The following RNF212 variants were observed in gnomAD, a reference collection of about 807,000 sequenced individuals.
The protein encoded by RNF212 is ring finger protein 212.
A neutral mutation model predicts 34.7 loss-of-function variants in RNF212; 33 were observed. The ratio of observed to expected loss-of-function variants is 0.95; its 90% CI spans 0.72 to 1.27. The LOEUF is 1.27. Among genes scored for constraint, RNF212 ranks in the 50% most tolerant of loss-of-function variants. The probability of loss-of-function intolerance (pLI) is 0.00; values close to 1 mark genes in which losing one functional copy is unlikely to be tolerated. For missense variants in RNF212, 377 were observed against 362.2 expected (o/e 1.04, Z -0.33); for synonymous variants, 140 against 136.1 (o/e 1.03, Z -0.20).
rs745356767 is a variant in RNF212, at chr4:1,081,406, GCAACCCACA to G, written c.464+4_464+12del. ...CCTGCAGGTCCTGTGATTTCTGCAAGCAACCCACACACCTGTCGGGGGCTGATGAGTGAG... is the reference window on the plus strand; with the variant it reads ...CCTGCAGGTCCTGTGATTTCTGCAAGCACCTGTCGGGGGCTGATGAGTGAG... On this transcript the variant is annotated splice_donor_5th_base_variant and intron_variant, in intron 7 of 9. Transcript: ENST00000433731. The G allele has an allele frequency of 6.2e-7, 1 of 1,612,516 alleles. No individual in the cohort carries two copies. Among genetic ancestry groups the G allele is most frequent in the African/African-American group, 1.3e-5 (1 of 74,876 alleles).
exon 5 of RNF212, chr4:1,056,485 A>G: frequency 1.0e-6 from 1 of 985,496 alleles, no homozygotes; most frequent in Non-Finnish European, 1.2e-6. Flanking sequence ...TGTCTTTGAA[A>G]TGACTTCAAA....
intron 3 of RNF212, among the ~76,000 whole-genome samples, chr4:1,091,314 C>T (rs1395768273): frequency 6.6e-6 from 1 of 152,212 alleles, no homozygotes; most frequent in Non-Finnish European, 1.5e-5. Context: ...CTCCCATTTA[C>T]AGGAGCCCCG....
Position 1,071,587 on chromosome 4 carries a change from T to C in RNF212, c.*1287A>G, listed in dbSNP as rs530217644. ...ACACAGGACTCTTAAAACTCAACAA[T>C]AAGAAAACAATCCAATTAAAAAATG... On this transcript the variant is annotated 3_prime_UTR_variant, in exon 10 of 10. Coordinates refer to ENST00000433731, the MANE Select transcript of RNF212 (RefSeq NM_001131034.4). 6.6e-6 allele frequency: 1 copy of C among 151,986 alleles called. No homozygotes were observed. The highest frequency in any genetic ancestry group is 2.4e-5 in the African/African-American group (1 of 41,386). The allele number at this position is 151,986 out of a possible 1,614,324, so 9.4% of individuals were successfully genotyped here.
chr4:1,089,791 C>T (rs1013424417), intron 4 of RNF212, among the ~76,000 whole-genome samples: 4 of 152,142 alleles, frequency 2.6e-5, no homozygotes, highest in Admixed American at 2.6e-4. Flanking sequence ...GGCAGTTCCC[C>T]CTGCCCTCTC....
chr4:1,083,065 G>A (rs1720613055), intron 5 of RNF212, among the ~76,000 whole-genome samples: 1 of 152,200 alleles, frequency 6.6e-6, no homozygotes, highest in Admixed American at 6.5e-5. Flanking sequence ...AGAGCACATG[G>A]GAATCCTCTC....
intron 3 of RNF212, among the ~76,000 whole-genome samples, chr4:1,060,760 C>G (rs1250039029): frequency 6.6e-6 from 1 of 152,266 alleles, no homozygotes; most frequent in Non-Finnish European, 1.5e-5. Context: ...GGACCGCGTA[C>G]TGAAGAGTGA....
intron 3 of RNF212, among the ~76,000 whole-genome samples, chr4:1,092,643 T>C (rs1282478485): frequency 2.0e-5 from 3 of 152,226 alleles, no homozygotes; most frequent in Non-Finnish European, 2.9e-5. Context: ...AATATGCCTC[T>C]TGAACTGAGC....
chr4:1,087,529 G>C (rs1215419955), intron 4 of RNF212, among the ~76,000 whole-genome samples: 3 of 142,968 alleles, frequency 2.1e-5, no homozygotes, highest in Admixed American at 1.4e-4. Context: ...GAGGTGGGGG[G>C]GTGACAGGAC....
chr4:1,065,519 G>A (rs1360197165), intron 3 of RNF212, among the ~76,000 whole-genome samples: 3 of 111,682 alleles, frequency 2.7e-5, no homozygotes, highest in East Asian at 4.6e-4. Context: ...CCAGTCTGGG[G>A]TGCAGTGGTA....
At chr4:1,082,712 G>A (rs1720548764) in intron 5 of RNF212, among the ~76,000 whole-genome samples, 1 of 152,206 alleles carries the variant, frequency 6.6e-6, no homozygotes, top group Non-Finnish European at 1.5e-5. Flanking sequence ...GAAGCTCCCA[G>A]AGGACGGGCA....
intron 3 of RNF212, chr4:1,094,129 G>C: frequency 7.8e-7 from 1 of 1,279,292 alleles, no homozygotes; most frequent in Non-Finnish European, 1.0e-6. Flanking sequence ...GTGCCATGCA[G>C]GGGTCCATCC....
chr4:1,081,832 C>G (rs1720403938), intron 5 of RNF212: 2 of 555,898 alleles, frequency 3.6e-6, no homozygotes, highest in Non-Finnish European at 6.5e-6. Context: ...GAACTCAACA[C>G]CCCACTGCCA....
At position 1,094,056 on chromosome 4, in the gene RNF212, AGAG is replaced by A. The variant is rs568095035; in HGVS notation, c.246+2706_246+2708del. 75 of 1,336,414 alleles carry A rather than the reference AGAG, an allele frequency of 5.6e-5. No homozygotes were observed. The East Asian group carries it at 1.6e-3, about 29-fold the overall frequency. 82.8% of individuals were successfully genotyped at this position (1,336,414 alleles called of 1,614,324 possible). A position where few individuals can be genotyped will look rare whatever the true frequency, so the allele number is the denominator to read the frequency against. On this transcript the variant is annotated intron_variant, in intron 3 of 9. Coordinates refer to ENST00000433731, the MANE Select transcript of RNF212 (RefSeq NM_001131034.4). ...CTGTTTCAGAAGCAAGGAAGCTCCC[AGAG>A]GAGGACAGTCTTGGGGACCTGGCTG...
chr4:1,090,336 T>A (rs945633606), intron 4 of RNF212, among the ~76,000 whole-genome samples: 2 of 152,140 alleles, frequency 1.3e-5, no homozygotes, highest in African/African-American at 2.4e-5. Context: ...GGTCACAAGC[T>A]GGCTTCCAGA....
chr4:1,103,945 A>G (rs1442554379), intron 2 of RNF212, among the ~76,000 whole-genome samples: 1 of 152,384 alleles, frequency 6.6e-6, no homozygotes, highest in Non-Finnish European at 1.5e-5. Context: ...TCCTTATTCA[A>G]AGATAACATG....
chr4:1,060,036 T>C (rs1193550202), intron 3 of RNF212, among the ~76,000 whole-genome samples: 2 of 146,388 alleles, frequency 1.4e-5, no homozygotes, highest in African/African-American at 5.1e-5. Context: ...GGAGGTTAGG[T>C]TGCAGTGAGC....
At chr4:1,079,223 A>G (rs947355383) in intron 8 of RNF212, among the ~76,000 whole-genome samples, 12 of 151,572 alleles carry the variant, frequency 7.9e-5, no homozygotes, top group Admixed American at 1.3e-4. Context: ...TCAACACAGG[A>G]CCAACATGGG....
intron 4 of RNF212, among the ~76,000 whole-genome samples, chr4:1,089,242 CT>C (rs1413348090): frequency 7.2e-5 from 11 of 152,342 alleles, no homozygotes; most frequent in Non-Finnish European, 1.2e-4. Context: ...GGGAGCCCCC[CT>C]ACCCTTAAAT....
In RNF212 at chr4:1,079,514, C is replaced by G. The variant is rs143488908; in HGVS notation, c.510+129G>C. ...ACCCCTCTCACCCACGGGACCAGCACACGAAGCAGCAGCACTGTGCAAAGT... is the reference window on the plus strand; with the variant it reads ...ACCCCTCTCACCCACGGGACCAGCAGACGAAGCAGCAGCACTGTGCAAAGT... On this transcript the variant is annotated intron_variant, in intron 8 of 9. Transcript: ENST00000433731. The G allele has an allele frequency of 8.1e-6, 6 of 739,024 alleles. No homozygotes were observed. The Admixed American group carries it at 1.1e-4, about 13-fold the overall frequency. The allele number at this position is 739,024 out of a possible 1,614,324, so 45.8% of individuals were successfully genotyped here. A position where few individuals can be genotyped will look rare whatever the true frequency, so the allele number is the denominator to read the frequency against.
Sources: gnomAD v4.1 joint callset for allele counts (sites outside exome capture counted in the v4.1 genomes callset) on GRCh38, gnomAD v4.1.1 for gene constraint, MANE v1.5 for transcripts, NCBI Gene and HGNC (gene_info 2026-07-23, HGNC 2026-07-21) for gene names.